TMEM117: variants seen among roughly 807,000 people sequenced by gnomAD.
TMEM117 encodes the protein transmembrane protein 117.
Under a neutral mutation model 52.4 loss-of-function variants are expected in TMEM117, and 27 were observed. That is an observed-to-expected ratio of 0.51 (90% CI 0.38 to 0.71). The LOEUF is 0.71. TMEM117 is among the 30% of genes least tolerant of loss of function. The probability of loss-of-function intolerance (pLI) is 0.00; values close to 1 mark genes in which losing one functional copy is unlikely to be tolerated. For missense variants in TMEM117, 556 were observed against 630.5 expected, an observed-to-expected ratio of 0.88 and a Z score of 1.26; for synonymous variants, 215 against 206.3, an observed-to-expected ratio of 1.04 and a Z score of -0.36.
chr12:44,024,818 A>G, intron 3 of TMEM117, among the ~76,000 whole-genome samples: 1 of 152,084 alleles, frequency 6.6e-6, no homozygotes, highest in South Asian at 2.1e-4. Flanking sequence ...ATACACACAT[A>G]TATGTGTATA....
chr12:43,875,846 A>G lies in TMEM117; in HGVS notation c.277+30918A>G, dbSNP rs145267280. ...TCCTACTCACTCTTCTCTCTTCCCC[A>G]TTATATATTACGTTTTTTTTTCCCC... On this transcript the variant is annotated intron_variant, in intron 2 of 7. Coordinates refer to ENST00000266534, the MANE Select transcript of TMEM117 (RefSeq NM_032256.3). Among the ~76,000 whole-genome samples, 980 of 152,032 alleles carry G rather than the reference A, an allele frequency of 6.4e-3. 10 individuals carry two copies. The highest frequency in any genetic ancestry group is 0.022 in the African/African-American group (901 of 41,426).
At chr12:44,071,148 G>A (rs1200805753) in intron 3 of TMEM117, among the ~76,000 whole-genome samples, 1 of 152,160 alleles carries the variant, frequency 6.6e-6, no homozygotes, top group African/African-American at 2.4e-5. Context: ...AACTAACCCT[G>A]TAGTTTCTTC....
chr12:44,347,928 A>G (rs1951510190), intron 6 of TMEM117, among the ~76,000 whole-genome samples: 1 of 152,050 alleles, frequency 6.6e-6, no homozygotes. Context: ...TGAAAGTGGA[A>G]CCCAGTGAGT....
chr12:44,341,547 A>G (rs577438460), intron 6 of TMEM117, among the ~76,000 whole-genome samples: 1 of 152,112 alleles, frequency 6.6e-6, no homozygotes, highest in African/African-American at 2.4e-5. Context: ...TATCTTTGTT[A>G]TTGTGAATAG....
In TMEM117 at chr12:44,366,074, T is replaced by G. The variant is rs140204587; in HGVS notation, c.769-10521T>G. 5.1e-4 allele frequency among the ~76,000 whole-genome samples: 78 copies of G among 152,258 alleles called. No individual in the cohort carries two copies. In the East Asian group the frequency reaches 0.013, roughly 25 times the overall value. On this transcript the variant is annotated intron_variant, in intron 6 of 7. Coordinates refer to ENST00000266534, the MANE Select transcript of TMEM117 (RefSeq NM_032256.3). ...TTGAGAATAGATGTTTTTCATCTAGTGAGCATTGAGTAACTGTTGAATTAG... is the reference window on the plus strand; with the variant it reads ...TTGAGAATAGATGTTTTTCATCTAGGGAGCATTGAGTAACTGTTGAATTAG...
chr12:44,128,916 C>A (rs1292732172), intron 3 of TMEM117, among the ~76,000 whole-genome samples: 3 of 152,212 alleles, frequency 2.0e-5, no homozygotes, highest in Non-Finnish European at 4.4e-5. Context: ...GAAGTTATAC[C>A]CGCCCAGTCA....
intron 3 of TMEM117, among the ~76,000 whole-genome samples, chr12:44,013,300 T>G (rs376016810): frequency 4.0e-4 from 61 of 152,288 alleles, no homozygotes; most frequent in South Asian, 1.5e-3. Context: ...GCGCTGGGAT[T>G]ACAGGTGTAA....
chr12:44,088,357 A>G (rs17554010), intron 3 of TMEM117, among the ~76,000 whole-genome samples: 6,285 of 152,346 alleles, frequency 0.041, 198 homozygotes, highest in Non-Finnish European at 0.053. Flanking sequence ...ACAGTATTAT[A>G]TAAGTTTACA....
chr12:43,973,246 T>A (rs1267293023), intron 3 of TMEM117, among the ~76,000 whole-genome samples: 2 of 152,158 alleles, frequency 1.3e-5, no homozygotes, highest in African/African-American at 2.4e-5. Flanking sequence ...GAATTTATCT[T>A]AAGGCCTCTC....
intron 2 of TMEM117, among the ~76,000 whole-genome samples, chr12:43,900,133 G>A (rs970308839): frequency 2.7e-4 from 41 of 152,270 alleles, no homozygotes; most frequent in African/African-American, 9.6e-4. Context: ...AAAATCTACT[G>A]GTGGGATTAG....
intron 3 of TMEM117, among the ~76,000 whole-genome samples, chr12:44,085,438 A>T (rs553977808): frequency 1.3e-5 from 2 of 152,338 alleles, no homozygotes; most frequent in Admixed American, 6.5e-5. Flanking sequence ...GCTGGTATCA[A>T]GGTGGCTAGT....
chr12:44,134,292 G>A (rs575408659), intron 3 of TMEM117, among the ~76,000 whole-genome samples: 3 of 152,128 alleles, frequency 2.0e-5, no homozygotes, highest in South Asian at 2.1e-4. Flanking sequence ...AGGCTTGCTC[G>A]CTGTAGCGTT....
chr12:44,232,638 AT>A (rs1391763601), intron 5 of TMEM117, among the ~76,000 whole-genome samples: 2 of 151,492 alleles, frequency 1.3e-5, no homozygotes, highest in Non-Finnish European at 3.0e-5. Context: ...CCACAATAAA[AT>A]TGGAATTTCG....
chr12:44,108,372 C>A (rs1948001178), intron 3 of TMEM117, among the ~76,000 whole-genome samples: 1 of 108,590 alleles, frequency 9.2e-6, no homozygotes, highest in Non-Finnish European at 1.9e-5. Context: ...GACCCCACCA[C>A]AGTCCCCAGA....
chr12:43,834,554 C>T (rs1189055085), upstream of TMEM117, among the ~76,000 whole-genome samples: 8 of 152,174 alleles, frequency 5.3e-5, no homozygotes, highest in African/African-American at 1.9e-4. Flanking sequence ...TAAAGCATTA[C>T]AAAAGAGAAC....
At chr12:44,004,429 G>A (rs1416151396) in intron 3 of TMEM117, among the ~76,000 whole-genome samples, 1 of 152,052 alleles carries the variant, frequency 6.6e-6, no homozygotes, top group Non-Finnish European at 1.5e-5. Context: ...GCATCTATCC[G>A]GGATGCCAGC....
At chr12:43,995,179 G>A (rs1262450021) in intron 3 of TMEM117, among the ~76,000 whole-genome samples, 2 of 152,026 alleles carry the variant, frequency 1.3e-5, no homozygotes, top group Non-Finnish European at 2.9e-5. Context: ...GCTGAGGGAG[G>A]GGAATTGCTT....
intron 2 of TMEM117, among the ~76,000 whole-genome samples, chr12:43,860,446 T>A (rs1403281858): frequency 2.6e-5 from 4 of 152,174 alleles, no homozygotes; most frequent in Non-Finnish European, 5.9e-5. Context: ...CATTATATAT[T>A]ATATCAGAGG....
At chr12:44,102,496 G>A (rs1947878959) in intron 3 of TMEM117, among the ~76,000 whole-genome samples, 1 of 151,468 alleles carries the variant, frequency 6.6e-6, no homozygotes, top group Non-Finnish European at 1.5e-5. Flanking sequence ...GCCTCTCTCT[G>A]GCTTTCTTTC....
Sources: gnomAD v4.1 joint callset for allele counts (sites outside exome capture counted in the v4.1 genomes callset) on GRCh38, gnomAD v4.1.1 for gene constraint, MANE v1.5 for transcripts, NCBI Gene and HGNC (gene_info 2026-07-23, HGNC 2026-07-21) for gene names.